DYNC1I1: variants seen among roughly 807,000 people sequenced by gnomAD.
The protein encoded by DYNC1I1 is cytoplasmic dynein 1 intermediate chain 1.
A neutral mutation model predicts 86.6 loss-of-function variants in DYNC1I1; 43 were observed. The observed-to-expected ratio is 0.50, with a 90% confidence interval of 0.39 to 0.64. The LOEUF is 0.64. DYNC1I1 is among the 30% of genes least tolerant of loss of function. The pLI is 0.00. For missense variants in DYNC1I1, 604 were observed against 788.8 expected, an observed-to-expected ratio of 0.77 and a Z score of 2.81; for synonymous variants, 262 against 283.7, an observed-to-expected ratio of 0.92 and a Z score of 0.77.
intron 16 of DYNC1I1, among the ~76,000 whole-genome samples, chr7:96,106,601 T>G (rs1161510680): frequency 6.8e-6 from 1 of 147,112 alleles, no homozygotes; most frequent in Non-Finnish European, 1.5e-5. Flanking sequence ...TTCCACAGAT[T>G]TTGCAATAGA....
chr7:95,968,793 T>C (rs1793083698), intron 6 of DYNC1I1, among the ~76,000 whole-genome samples: 1 of 151,624 alleles, frequency 6.6e-6, no homozygotes, highest in Non-Finnish European at 1.5e-5. Context: ...CAGCCAAGAA[T>C]TGCATCTTCA....
chr7:95,902,040 G>C (rs1031574586), intron 6 of DYNC1I1, among the ~76,000 whole-genome samples: 1 of 152,194 alleles, frequency 6.6e-6, no homozygotes, highest in Non-Finnish European at 1.5e-5. Context: ...GGGTTGTTTA[G>C]TATAAGCAGT....
intron 14 of DYNC1I1, among the ~76,000 whole-genome samples, chr7:96,044,211 G>A (rs1789140087): frequency 6.6e-6 from 1 of 152,144 alleles, no homozygotes; most frequent in Non-Finnish European, 1.5e-5. Flanking sequence ...CTCTGAATAT[G>A]TTTAAAATTT....
chr7:95,802,382 C>T (rs572976212), intron 1 of DYNC1I1, among the ~76,000 whole-genome samples: 16 of 152,300 alleles, frequency 1.1e-4, no homozygotes, highest in Admixed American at 5.2e-4. Context: ...TCTCCACATT[C>T]GCCTACCATT....
At chr7:95,874,187 A>G (rs1046914632) in intron 6 of DYNC1I1, among the ~76,000 whole-genome samples, 1 of 152,318 alleles carries the variant, frequency 6.6e-6, no homozygotes, top group Non-Finnish European at 1.5e-5. Context: ...AAAGATCACC[A>G]TAGAAGAAAA....
intron 15 of DYNC1I1, among the ~76,000 whole-genome samples, chr7:96,079,690 C>T (rs1239298938): frequency 6.6e-6 from 1 of 152,102 alleles, no homozygotes; most frequent in African/African-American, 2.4e-5. Flanking sequence ...CACGATGTCA[C>T]CCTGGAGACA....
At chr7:95,829,493 G>C (rs1584259018) in intron 5 of DYNC1I1, among the ~76,000 whole-genome samples, 1 of 151,946 alleles carries the variant, frequency 6.6e-6, no homozygotes, top group Admixed American at 6.6e-5. Flanking sequence ...ATAGTTCAGG[G>C]GAACTTCAGA....
chr7:95,967,936 G>T (rs1793058853), intron 6 of DYNC1I1, among the ~76,000 whole-genome samples: 1 of 152,172 alleles, frequency 6.6e-6, no homozygotes, highest in South Asian at 2.1e-4. Flanking sequence ...GAACACAGTA[G>T]AGGACATTTA....
At chr7:95,856,846 G>A (rs190664376) in intron 5 of DYNC1I1, among the ~76,000 whole-genome samples, 8 of 152,112 alleles carry the variant, frequency 5.3e-5, no homozygotes, top group Non-Finnish European at 1.0e-4. Context: ...GGGCGTGGTG[G>A]CAGGCGCCTG....
intron 6 of DYNC1I1, among the ~76,000 whole-genome samples, chr7:95,954,915 C>CAAA (rs58435060): frequency 1.5e-3 from 121 of 81,654 alleles, no homozygotes; most frequent in South Asian, 2.6e-3. Flanking sequence ...GACTCTGTCT[C>CAAA]AAAAAAAAAA....
intron 6 of DYNC1I1, among the ~76,000 whole-genome samples, chr7:95,879,922 G>C (rs1790408941): frequency 6.6e-6 from 1 of 152,076 alleles, no homozygotes; most frequent in Non-Finnish European, 1.5e-5. Flanking sequence ...GAAGAATTTG[G>C]TCTATTTATA....
intron 9 of DYNC1I1, among the ~76,000 whole-genome samples, chr7:95,993,541 T>C (rs1206277908): frequency 1.3e-5 from 2 of 152,158 alleles, no homozygotes; most frequent in Non-Finnish European, 2.9e-5. Flanking sequence ...TTTATCTGGA[T>C]GTTAGTTTCT....
rs182909480 is a variant in DYNC1I1, at chr7:96,064,764, T to C, written c.1510-11293T>C. Among the ~76,000 whole-genome samples, 14 of 152,260 alleles carry C rather than the reference T, an allele frequency of 9.2e-5. No individual in the cohort carries two copies. In the East Asian group the frequency reaches 2.5e-3, roughly 27 times the overall value. Reference sequence around the variant, plus strand: ...CTCTGTTCACAGGTGTCAGACAAAATAGGACTGAACTCAAGGCTGCGTTCA... The same window carrying C: ...CTCTGTTCACAGGTGTCAGACAAAACAGGACTGAACTCAAGGCTGCGTTCA... On this transcript the variant is annotated intron_variant, in intron 14 of 16. Transcript: ENST00000447467.
chr7:96,019,480 T>G (rs1236541372), intron 10 of DYNC1I1, among the ~76,000 whole-genome samples: 2 of 152,052 alleles, frequency 1.3e-5, no homozygotes, highest in Non-Finnish European at 2.9e-5. Flanking sequence ...CCCCAGAAAT[T>G]CTGACTAAAT....
At chr7:95,973,370 C>T (rs111728720) in intron 6 of DYNC1I1, among the ~76,000 whole-genome samples, 35 of 152,132 alleles carry the variant, frequency 2.3e-4, no homozygotes, top group Non-Finnish European at 4.6e-4. Context: ...CTTTAAAAGG[C>T]TGATAGACAA....
intron 13 of DYNC1I1, among the ~76,000 whole-genome samples, chr7:96,038,037 T>G (rs1243740415): frequency 6.6e-6 from 1 of 152,122 alleles, no homozygotes; most frequent in African/African-American, 2.4e-5. Context: ...AAGTGGAGTC[T>G]CACCAGGGGC....
intron 6 of DYNC1I1, among the ~76,000 whole-genome samples, chr7:95,953,398 G>A (rs1792613561): frequency 6.6e-6 from 1 of 151,986 alleles, no homozygotes; most frequent in Non-Finnish European, 1.5e-5. Context: ...TATCAAGAGA[G>A]AGAGAAGGAA....
intron 4 of DYNC1I1, among the ~76,000 whole-genome samples, chr7:95,823,587 G>T (rs544823237): frequency 6.6e-6 from 1 of 152,076 alleles, no homozygotes; most frequent in Non-Finnish European, 1.5e-5. Flanking sequence ...CAAGTTCCAT[G>T]TCCCTCAGCA....
chr7:96,008,054 C>A (rs945744433), intron 10 of DYNC1I1, among the ~76,000 whole-genome samples: 3 of 152,194 alleles, frequency 2.0e-5, no homozygotes, highest in African/African-American at 4.8e-5. Context: ...GAAGGCTGAT[C>A]TGACGAGGGT....
Sources: allele counts gnomAD v4.1 joint callset (sites outside exome capture counted in the v4.1 genomes callset), GRCh38; gene constraint gnomAD v4.1.1; transcripts MANE v1.5; gene names NCBI Gene and HGNC (gene_info 2026-07-23, HGNC 2026-07-21).